Variants in LHX6 observed in about 807,000 individuals in gnomAD.
LHX6 encodes LIM/homeobox protein Lhx6.
Under a neutral mutation model 47.1 loss-of-function variants are expected in LHX6, and 15 were observed. The observed-to-expected ratio is 0.32, with a 90% confidence interval of 0.21 to 0.49. LHX6 has a LOEUF of 0.49. LHX6 is among the 20% of genes least tolerant of loss of function. The pLI is 0.99. For synonymous variants in LHX6, 242 were observed against 233.5 expected, an observed-to-expected ratio of 1.04 and a Z score of -0.33; for missense variants, 404 against 539.6, an observed-to-expected ratio of 0.75 and a Z score of 2.49.
intron 5 of LHX6, among the ~76,000 whole-genome samples, chr9:122,216,347 G>A (rs1405356453): frequency 1.3e-5 from 2 of 152,160 alleles, no homozygotes; most frequent in Non-Finnish European, 2.9e-5. Flanking sequence ...CCCAGGATCC[G>A]TGGAAGACCT....
chr9:122,210,463 T>G (rs576721908), intron 8 of LHX6, among the ~76,000 whole-genome samples: 1 of 152,296 alleles, frequency 6.6e-6, no homozygotes, highest in South Asian at 2.1e-4. Context: ...TGTACTCGTA[T>G]GTCACCTCTC....
In LHX6 at chr9:122,203,936, C is replaced by T. The variant is rs1588328716; in HGVS notation, c.*824G>A. 6.6e-6 allele frequency: 1 copy of T among 152,222 alleles called. No individual in the cohort carries two copies. The highest frequency in any genetic ancestry group is 6.5e-5 in the Admixed American group (1 of 15,272). The allele number at this position is 152,222 out of a possible 1,614,324, so 9.4% of individuals were successfully genotyped here. On this transcript the variant is annotated 3_prime_UTR_variant, in exon 10 of 10. Transcript: ENST00000394319. ...AAGAGTCATGGCACAGATCGAATACCATCGCTGCTATGTTTCTTACATATA... is the reference window on the plus strand; with the variant it reads ...AAGAGTCATGGCACAGATCGAATACTATCGCTGCTATGTTTCTTACATATA...
At chr9:122,216,957 T>C in intron 5 of LHX6, 111 bp downstream of exon 5, 4 of 892,024 alleles carry the variant, frequency 4.5e-6, no homozygotes, top group Non-Finnish European at 7.0e-6. Flanking sequence ...TGCGGGACTA[T>C]ACCGGGAGGG....
chr9:122,208,613 C>CCTG (rs1830277089), intron 9 of LHX6, among the ~76,000 whole-genome samples: 1 of 152,100 alleles, frequency 6.6e-6, no homozygotes, highest in African/African-American at 2.4e-5. Flanking sequence ...GGGTGGATCA[C>CCTG]CTGAGGTCAG....
In LHX6 at chr9:122,213,520, C is replaced by T. The variant is rs1488320326; in HGVS notation, c.1054+86G>A. On this transcript the variant is annotated intron_variant, in intron 8 of 9. Transcript: ENST00000394319. The surrounding 1 kb of genome is among the most constrained non-coding windows in gnomAD (Gnocchi z 5.5). ...ACGAGGCTCCCCAAGGCCCTCCACC[C>T]CACGCCTCGGCCTCAGCCGCCCACG... is the stretch of plus-strand genomic sequence containing the variant. The T allele has an allele frequency of 7.8e-7, 1 of 1,280,784 alleles. No homozygotes were observed. Among genetic ancestry groups the T allele is most frequent in the South Asian group, 1.5e-5 (1 of 66,152 alleles). The allele number at this position is 1,280,784 out of a possible 1,614,324, so 79.3% of individuals were successfully genotyped here.
At chr9:122,227,514 C>A in intron 1 of LHX6, 34 bp from the exon 2 acceptor site, 1 of 1,523,524 alleles carries the variant, frequency 6.6e-7, no homozygotes, top group Non-Finnish European at 8.8e-7. Context: ...CAGGCGGCGG[C>A]GGCTGCTGAA....
intron 9 of LHX6, among the ~76,000 whole-genome samples, chr9:122,207,040 C>T (rs1250832478): frequency 1.3e-5 from 2 of 152,210 alleles, no homozygotes; most frequent in Non-Finnish European, 2.9e-5. Context: ...ACTGCCCACA[C>T]CCTGTGCTAA....
chr9:122,215,369 G>T (rs534011816), intron 5 of LHX6, among the ~76,000 whole-genome samples: 2 of 152,260 alleles, frequency 1.3e-5, no homozygotes, highest in East Asian at 3.9e-4. Context: ...TACAATGAAC[G>T]TGTGTGTATC....
chr9:122,228,820 A>C lies in LHX6; in HGVS notation c.-80T>G. On this transcript the variant is annotated 5_prime_UTR_variant, in exon 1 of 10. Coordinates refer to ENST00000394319, the MANE Select transcript of LHX6 (RefSeq NM_014368.5). The stretch of plus-strand genomic sequence containing the variant: ...GGGACCACAGCCGCAGTGGGAGCAG[A>C]GGCTGCTGCAGGAGCAGGAGGAGAG... 1 of 946,590 alleles carries C rather than the reference A, an allele frequency of 1.1e-6. No individual in the cohort carries two copies. Among genetic ancestry groups the C allele is most frequent in the Non-Finnish European group, 1.4e-6 (1 of 735,844 alleles). The allele number at this position is 946,590 out of a possible 1,614,324, so 58.6% of individuals were successfully genotyped here. A position where few individuals can be genotyped will look rare whatever the true frequency, so the allele number is the denominator to read the frequency against.
At chr9:122,225,096 G>A (rs1465484514) in intron 4 of LHX6, among the ~76,000 whole-genome samples, 1 of 152,186 alleles carries the variant, frequency 6.6e-6, no homozygotes, top group African/African-American at 2.4e-5. Flanking sequence ...ATCGCTGGAG[G>A]CTCAATGCCA....
At position 122,213,834 on chromosome 9, in the gene LHX6, G is replaced by T; in HGVS notation, c.880-54C>A. On this transcript the variant is annotated intron_variant, in intron 7 of 9. Transcript: ENST00000394319. This position sits in a 1 kb window ranked among gnomAD's most constrained non-coding sequence, Gnocchi z 5.5. ...CTCGAGGAAAAGAGTCGGACGCGCC[G>T]CCGGGAGACCCCAGGCGGGACTGCC... The T allele has an allele frequency of 1.3e-6, 2 of 1,542,950 alleles. No individual in the cohort carries two copies.
intron 4 of LHX6, among the ~76,000 whole-genome samples, chr9:122,223,012 G>A (rs1392898853): frequency 6.6e-6 from 1 of 152,214 alleles, no homozygotes; most frequent in Non-Finnish European, 1.5e-5. Flanking sequence ...CTCCTTAGAG[G>A]AAAATTCTGC....
In LHX6 at chr9:122,226,453, C is replaced by T. The variant is rs1286428909; in HGVS notation, c.384G>A (p.Val128=). 6.2e-7 allele frequency: 1 copy of T among 1,613,592 alleles called. No homozygotes were observed. Among genetic ancestry groups the T allele is most frequent in the Non-Finnish European group, 8.5e-7 (1 of 1,179,966 alleles). The change falls in exon 4 of 10, where the codon GTG becomes GTA. Residue 128 remains valine, a synonymous_variant. Transcript: ENST00000394319. The surrounding 1 kb of genome is among the most constrained non-coding windows in gnomAD (Gnocchi z 6.5). ...IWHVRCLECS[V]CRTSLRQQNS... ...TCTGCTGCCTCAGCGACGTGCGACA[C>T]ACGGAGCACTCGAGGCACCGCACGT...
rs952518373 is a variant in LHX6 at position 122,204,510 on chromosome 9, C to T, written c.*250G>A. ...TTAAATGGGAAAAACAGGCTGTTTC[C>T]ACCCTGATTCCAGATTTCAGGGAGT... On this transcript the variant is annotated 3_prime_UTR_variant, in exon 10 of 10. Coordinates refer to ENST00000394319, the MANE Select transcript of LHX6 (RefSeq NM_014368.5). 6 of 422,576 alleles carry T rather than the reference C, an allele frequency of 1.4e-5. No homozygotes were observed. Among genetic ancestry groups the T allele is most frequent in the Non-Finnish European group, 2.1e-5 (5 of 238,194 alleles). The allele number at this position is 422,576 out of a possible 1,614,324, so 26.2% of individuals were successfully genotyped here.
At chr9:122,206,885 T>G (rs1431672934) in intron 9 of LHX6, among the ~76,000 whole-genome samples, 1 of 152,214 alleles carries the variant, frequency 6.6e-6, no homozygotes, top group African/African-American at 2.4e-5. Flanking sequence ...TCCATGCCTC[T>G]GGGCCTTTGC....
intron 9 of LHX6, among the ~76,000 whole-genome samples, chr9:122,209,024 C>T (rs1197756255): frequency 1.3e-5 from 2 of 152,112 alleles, no homozygotes; most frequent in African/African-American, 2.4e-5. Context: ...CAGAGCAGCT[C>T]CATCCACCTT....
At chr9:122,210,860 G>A (rs1396423034) in intron 8 of LHX6, among the ~76,000 whole-genome samples, 1 of 152,172 alleles carries the variant, frequency 6.6e-6, no homozygotes, top group Admixed American at 6.5e-5. Context: ...ACCACGCCCA[G>A]CCTGACTTAC....
chr9:122,218,973 C>T (rs902968877), intron 4 of LHX6, among the ~76,000 whole-genome samples: 1 of 152,196 alleles, frequency 6.6e-6, no homozygotes, highest in African/African-American at 2.4e-5. Flanking sequence ...ACCCCTTCCA[C>T]CTTCCCAGAG....
At chr9:122,225,356 C>T (rs1272255655) in intron 4 of LHX6, among the ~76,000 whole-genome samples, 1 of 152,230 alleles carries the variant, frequency 6.6e-6, no homozygotes, top group African/African-American at 2.4e-5. Flanking sequence ...CCTGGTGGTC[C>T]AAGCCTCAGG....
Sources: gnomAD v4.1 joint callset for allele counts (sites outside exome capture counted in the v4.1 genomes callset) on GRCh38, gnomAD v4.1.1 for gene constraint, Gnocchi (gnomAD v3.1) non-coding constraint, MANE v1.5 for transcripts, NCBI Gene and HGNC (gene_info 2026-07-23, HGNC 2026-07-21) for gene names.